DCAF6: variants seen among roughly 807,000 people sequenced by gnomAD.
DCAF6 encodes DDB1 and CUL4 associated factor 6.
In DCAF6, 54 loss-of-function variants were observed where a neutral mutation model predicts 125.1. That is an observed-to-expected ratio of 0.43 (90% confidence interval 0.35 to 0.54). DCAF6 has a LOEUF of 0.54. DCAF6 is among the 20% of genes least tolerant of loss of function. The pLI is 0.01. For synonymous variants in DCAF6, 371 were observed against 390.4 expected, an observed-to-expected ratio of 0.95 and a Z score of 0.58; for missense variants, 934 against 1,161.7, an observed-to-expected ratio of 0.80 and a Z score of 2.85.
At chr1:167,976,313 A>G (rs1243444976) in intron 4 of DCAF6, among the ~76,000 whole-genome samples, 2 of 152,072 alleles carry the variant, frequency 1.3e-5, no homozygotes, top group African/African-American at 2.4e-5. Context: ...TACTAAAAAT[A>G]CAGGAATCAG....
chr1:167,934,240 C>T (rs1005993004), upstream of DCAF6, among the ~76,000 whole-genome samples: 1 of 152,132 alleles, frequency 6.6e-6, no homozygotes, highest in African/African-American at 2.4e-5. Context: ...GGTAAGACTA[C>T]CCTCCAATTT....
At chr1:168,049,234 A>G (rs1689524818) in intron 16 of DCAF6, among the ~76,000 whole-genome samples, 1 of 151,948 alleles carries the variant, frequency 6.6e-6, no homozygotes, top group Admixed American at 6.6e-5. Context: ...TATATACTGT[A>G]TTTATTTCAT....
the DCAF6 span, among the ~76,000 whole-genome samples, chr1:167,922,148 T>A: frequency 6.6e-6 from 1 of 152,176 alleles, no homozygotes; most frequent in African/African-American, 2.4e-5. Context: ...AAGGTAAGTA[T>A]CTAATAGAAG....
At chr1:168,011,209 G>A (rs1384037867) in intron 10 of DCAF6, among the ~76,000 whole-genome samples, 2 of 142,162 alleles carry the variant, frequency 1.4e-5, no homozygotes, top group Non-Finnish European at 3.0e-5. Flanking sequence ...CTCTGCCCCC[G>A]GGTTCAAGTG....
At chr1:168,038,535 T>C (rs761326222) in intron 13 of DCAF6, 47 bp downstream of exon 13, 1 of 1,341,068 alleles carries the variant, frequency 7.5e-7, no homozygotes, top group South Asian at 1.3e-5. Context: ...TTTGTAGGAT[T>C]GTATTAGATT....
chr1:167,963,157 G>A (rs1368109496), intron 2 of DCAF6, among the ~76,000 whole-genome samples: 1 of 151,910 alleles, frequency 6.6e-6, no homozygotes, highest in African/African-American at 2.4e-5. Flanking sequence ...CCAGCTACTC[G>A]GGAGGCTGAG....
Position 167,982,895 on chromosome 1 carries a change from C to T in DCAF6, c.439-4600C>T, listed in dbSNP as rs554065953. 2.0e-5 allele frequency among the ~76,000 whole-genome samples: 3 copies of T among 152,196 alleles called. No individual in the cohort carries two copies. In the East Asian group the frequency reaches 5.8e-4, roughly 29 times the overall value. ...TTCTACATATGGTTGGCCAGTGATC[C>T]CAGCACCATTTATTTAATAGGGAGT... On this transcript the variant is annotated intron_variant, in intron 4 of 21. Coordinates refer to ENST00000367840, the MANE Select transcript of DCAF6 (RefSeq NM_001198956.2).
At chr1:168,007,777 T>A (rs1220764603) in intron 10 of DCAF6, among the ~76,000 whole-genome samples, 1 of 151,966 alleles carries the variant, frequency 6.6e-6, no homozygotes, top group Non-Finnish European at 1.5e-5. Flanking sequence ...CTCTCTTCTC[T>A]TCTCTTTACA....
intron 2 of DCAF6, among the ~76,000 whole-genome samples, chr1:167,962,809 G>A (rs1675822576): frequency 6.6e-6 from 1 of 152,126 alleles, no homozygotes; most frequent in African/African-American, 2.4e-5. Context: ...ACAAAAATTA[G>A]CCACGCATGG....
intron 2 of DCAF6, among the ~76,000 whole-genome samples, chr1:167,961,982 T>C (rs574371277): frequency 6.6e-6 from 1 of 152,222 alleles, no homozygotes; most frequent in Non-Finnish European, 1.5e-5. Flanking sequence ...ATTTTGAACT[T>C]GTGTGTATTT....
chr1:167,967,234 C>T (rs766080377), intron 3 of DCAF6, among the ~76,000 whole-genome samples: 6 of 151,914 alleles, frequency 3.9e-5, no homozygotes, highest in South Asian at 2.1e-4. Flanking sequence ...CAAATGACTG[C>T]GGTGTGAATA....
At chr1:167,979,754 G>T (rs995671353) in intron 4 of DCAF6, among the ~76,000 whole-genome samples, 1 of 152,152 alleles carries the variant, frequency 6.6e-6, no homozygotes, top group Non-Finnish European at 1.5e-5. Context: ...AGGCGTGGTG[G>T]CAGGTGCCTG....
chr1:167,902,104 T>C, the DCAF6 span: 7 of 1,528,472 alleles, frequency 4.6e-6, no homozygotes, highest in Non-Finnish European at 6.3e-6. Flanking sequence ...TTAAAGGTAG[T>C]AAAAAAACAT....
chr1:168,013,051 T>A (rs1684510358), intron 10 of DCAF6, among the ~76,000 whole-genome samples: 1 of 152,214 alleles, frequency 6.6e-6, no homozygotes, highest in Non-Finnish European at 1.5e-5. Flanking sequence ...TCTCATAGAT[T>A]TCTTTTGAAG....
chr1:167,868,310 C>T, the DCAF6 span, among the ~76,000 whole-genome samples: 22 of 152,208 alleles, frequency 1.4e-4, no homozygotes, highest in African/African-American at 3.4e-4. Flanking sequence ...GATGAATTCC[C>T]GGCCCAAAAG....
At chr1:167,896,745 T>C in the DCAF6 span, 1 of 1,253,452 alleles carries the variant, frequency 8.0e-7, no homozygotes, top group Non-Finnish European at 1.2e-6. Context: ...GTTTAATCCT[T>C]TGAAGTGTAA....
intron 11 of DCAF6, chr1:168,019,603 T>G (rs1362931751): frequency 4.4e-6 from 2 of 452,592 alleles, no homozygotes; most frequent in East Asian, 1.4e-4. Context: ...CTGTGGAGTC[T>G]GCTGGTACTG....
chr1:168,032,040 C>T (rs1261010865), intron 12 of DCAF6, among the ~76,000 whole-genome samples: 3 of 152,286 alleles, frequency 2.0e-5, no homozygotes, highest in Non-Finnish European at 4.4e-5. Context: ...TCAATTCACA[C>T]TTCTATGTTA....
At chr1:168,031,185 G>T (rs1028426082) in intron 12 of DCAF6, among the ~76,000 whole-genome samples, 5 of 151,784 alleles carry the variant, frequency 3.3e-5, no homozygotes, top group Non-Finnish European at 4.4e-5. Flanking sequence ...TAGGATGAAA[G>T]TAGAAAGAAG....
Sources: allele counts gnomAD v4.1 joint callset (sites outside exome capture counted in the v4.1 genomes callset), GRCh38; gene constraint gnomAD v4.1.1; transcripts MANE v1.5; gene names NCBI Gene and HGNC (gene_info 2026-07-23, HGNC 2026-07-21).